Variants in ASMTL observed in about 807,000 individuals in gnomAD.
The protein encoded by ASMTL is acetylserotonin O-methyltransferase like, also known as probable bifunctional dTTP/UTP pyrophosphatase/methyltransferase protein.
A neutral mutation model predicts 60.3 loss-of-function variants in ASMTL; 57 were observed. The ratio of observed to expected loss-of-function variants is 0.95; its 90% CI spans 0.76 to 1.18. The LOEUF (loss-of-function observed/expected upper bound fraction) is 1.18. Ranked by LOEUF, ASMTL falls within the 50% of genes most tolerant of loss-of-function variation. The probability of loss-of-function intolerance (pLI) is 0.00; values close to 1 mark genes in which losing one functional copy is unlikely to be tolerated. For missense variants in ASMTL, 981 were observed against 852.6 expected (o/e 1.15, Z -1.88); for synonymous variants, 419 against 373.0 (o/e 1.12, Z -1.42).
chrX:1,435,796 G>A (rs368765690), intron 3 of ASMTL, 38 bp from the exon 4 acceptor site: 43 of 1,577,750 alleles, frequency 2.7e-5, no homozygotes, highest in African/African-American at 6.8e-5. Flanking sequence ...GGTTCCCACC[G>A]GCTGGGTCAG....
In ASMTL at chrX:1,452,905, G is replaced by T. The variant is rs760130208; in HGVS notation, c.-65C>A. 1.5e-6 allele frequency: 2 copies of T among 1,312,892 alleles called. No homozygotes were observed. Among genetic ancestry groups the T allele is most frequent in the East Asian group, 2.9e-5 (1 of 34,442 alleles). The allele number at this position is 1,312,892 out of a possible 1,614,324, so 81.3% of individuals were successfully genotyped here. On this transcript the variant is annotated 5_prime_UTR_variant, in exon 1 of 13. Transcript: ENST00000381317. ...CCGGAGCCCGCGGTGCGCGCAGCGC[G>T]GCTGCAAAAAAAACAGGCGGCCAGA...
intron 10 of ASMTL, among the ~76,000 whole-genome samples, chrX:1,418,346 G>C (rs2090374001): frequency 1.3e-5 from 2 of 151,710 alleles, no homozygotes; most frequent in South Asian, 4.2e-4. Context: ...GGGGTGGAGG[G>C]CTGTACTCCC....
At chrX:1,430,929 A>G (rs1216824899) in intron 6 of ASMTL, among the ~76,000 whole-genome samples, 1 of 136,384 alleles carries the variant, frequency 7.3e-6, no homozygotes, top group Non-Finnish European at 1.5e-5. Context: ...TACATTATAT[A>G]TTATATATAA....
In ASMTL at chrX:1,403,506, A is replaced by G; in HGVS notation, c.1646-17T>C. 1 of 1,610,796 alleles carries G rather than the reference A, an allele frequency of 6.2e-7. No homozygotes were observed. The highest frequency in any genetic ancestry group is 1.1e-5 in the South Asian group (1 of 91,026). On this transcript the variant is annotated splice_polypyrimidine_tract_variant and intron_variant, in intron 12 of 12. Transcript: ENST00000381317. Reference sequence around the variant, plus strand: ...GGCCGGCCCCTGAGGGAGACAGCAGAGAGCTGGAGTCCTGGCCAGCCAGGC... The same window carrying G: ...GGCCGGCCCCTGAGGGAGACAGCAGGGAGCTGGAGTCCTGGCCAGCCAGGC...
At chrX:1,425,791 T>G (rs2149311171) in intron 7 of ASMTL, 104 bp from the exon 8 acceptor site, 1 of 1,199,612 alleles carries the variant, frequency 8.3e-7, no homozygotes, top group South Asian at 1.5e-5. Flanking sequence ...AGTATACAAC[T>G]TGGCCATTGA....
chrX:1,437,042 C>G (rs2149334250), intron 3 of ASMTL, among the ~76,000 whole-genome samples: 1 of 151,654 alleles, frequency 6.6e-6, no homozygotes, highest in African/African-American at 2.4e-5. Flanking sequence ...AGACTCGTCC[C>G]TCTGTATCTG....
chrX:1,428,061 G>A lies in ASMTL; in HGVS notation c.570C>T (p.His190=), dbSNP rs112813225. ...ALGGMLVESV[H]GDFLNVVGFP... ...ATCCCACCACGTTCAGAAAGTCCCC[G>A]TGTACGGACTCCACCAGCATGCCGC... Residue 190 remains histidine (H), a synonymous_variant, in exon 7 of 13, where the codon CAC becomes CAT. Transcript: ENST00000381317. The A allele has an allele frequency of 8.1e-3, 13,108 of 1,613,614 alleles. 69 individuals are homozygous for A. The highest frequency in any genetic ancestry group is 9.5e-3 in the Non-Finnish European group (11,184 of 1,179,778).
Position 1,425,670 on chromosome X carries a change from G to C in ASMTL, c.915C>G (p.Cys305Trp). 1 of 1,613,602 alleles carries C rather than the reference G, an allele frequency of 6.2e-7. No individual in the cohort carries two copies. The highest frequency in any genetic ancestry group is 8.5e-7 in the Non-Finnish European group (1 of 1,179,764). The change falls in exon 8 of 13, where the codon TGC becomes TGG. Residue 305 changes from cysteine (C) to tryptophan (W), a missense_variant. By Grantham distance (215) the Cys-to-Trp change is radical. Transcript: ENST00000381317. The stretch of plus-strand genomic sequence containing the variant: ...TTAACAAATCGAACACCTTCAGTTT[G>C]CAAGCGGTGAGCAGGCCCTGTTAAA... ...FMLSKGLLTA[C>W]KLKVFDLLKD... is the part of the protein sequence containing the mutation.
At chrX:1,453,476 A>C (rs1330338953), upstream of ASMTL, 26 of 158,716 alleles carry the variant, frequency 1.6e-4, no homozygotes, top group Non-Finnish European at 2.5e-4. Context: ...AAGACCTGCA[A>C]TGGCGCAGGC....
At chrX:1,404,898 T>C (rs1387372127) in intron 12 of ASMTL, among the ~76,000 whole-genome samples, 4 of 151,312 alleles carry the variant, frequency 2.6e-5, no homozygotes, top group Non-Finnish European at 4.4e-5. Flanking sequence ...GGTGAATAGA[T>C]GGTAGCTGAT....
intron 7 of ASMTL, among the ~76,000 whole-genome samples, chrX:1,426,559 G>T (rs1204453326): frequency 2.0e-5 from 3 of 152,156 alleles, no homozygotes; most frequent in Non-Finnish European, 4.4e-5. Flanking sequence ...ACAGCTGAAA[G>T]ATGGGGCCTC....
chrX:1,416,003 A>C (rs1409502049), intron 11 of ASMTL, among the ~76,000 whole-genome samples: 2 of 151,414 alleles, frequency 1.3e-5, no homozygotes, highest in Non-Finnish European at 2.9e-5. Context: ...AGATACAGCA[A>C]GACAGGCACA....
At chrX:1,439,771 G>C (rs1448074612) in intron 2 of ASMTL, among the ~76,000 whole-genome samples, 2 of 150,812 alleles carry the variant, frequency 1.3e-5, no homozygotes, top group Non-Finnish European at 3.0e-5. Context: ...AGGAGGCGGA[G>C]GTTGCAGTGA....
chrX:1,425,335 C>T (rs763105547), intron 8 of ASMTL, among the ~76,000 whole-genome samples, 190 bp downstream of exon 8: 4 of 152,330 alleles, frequency 2.6e-5, no homozygotes, highest in South Asian at 4.1e-4. Context: ...TATGTGCTCG[C>T]GGCTGCCACT....
rs752887185 is a variant in ASMTL at position 1,412,180 on chromosome X, C to T, written c.1645+552G>A. On this transcript the variant is annotated intron_variant, in intron 12 of 12. Transcript: ENST00000381317. ...CAATTTAGCGGGCCTCTCACCCAGA[C>T]GCTGGACCTGCCAACCTCCAAAGTC... 1.2e-4 allele frequency among the ~76,000 whole-genome samples: 19 copies of T among 152,168 alleles called. 2 individuals carry two copies. Among genetic ancestry groups the T allele is most frequent in the East Asian group, 3.9e-4 (2 of 5,168 alleles).
At chrX:1,427,493 C>T (rs1490140105) in intron 7 of ASMTL, among the ~76,000 whole-genome samples, 4 of 151,152 alleles carry the variant, frequency 2.6e-5, no homozygotes, top group African/African-American at 7.3e-5. Context: ...GATGAGGCCA[C>T]GTGGAGGACG....
intron 3 of ASMTL, among the ~76,000 whole-genome samples, chrX:1,438,122 C>G (rs1271124754): frequency 2.7e-5 from 4 of 150,776 alleles, no homozygotes; most frequent in African/African-American, 9.8e-5. Context: ...AACCCCGTCT[C>G]TACTAAAAAT....
chrX:1,418,511 A>G (rs113973654), intron 10 of ASMTL, among the ~76,000 whole-genome samples: 18,600 of 152,000 alleles, frequency 0.12, 1,221 homozygotes, highest in Admixed American at 0.14. Flanking sequence ...GGGGATGCAG[A>G]CACGATGGCT....
intron 1 of ASMTL, 148 bp from the exon 2 acceptor site, chrX:1,442,465 T>C: frequency 1.1e-6 from 1 of 921,632 alleles, no homozygotes; most frequent in South Asian, 1.6e-5. Flanking sequence ...AAGCTTTCCC[T>C]AAGTGTGGCT....
Sources: allele counts gnomAD v4.1 joint callset (sites outside exome capture counted in the v4.1 genomes callset), GRCh38; gene constraint gnomAD v4.1.1; transcripts MANE v1.5; gene names NCBI Gene and HGNC (gene_info 2026-07-23, HGNC 2026-07-21).